FIGN: variants seen among roughly 807,000 people sequenced by gnomAD.
FIGN encodes fidgetin.
A neutral mutation model predicts 51.3 loss-of-function variants in FIGN; 11 were observed. The observed-to-expected ratio is 0.21, with a 90% CI of 0.13 to 0.35. The LOEUF is 0.35. Ranked by LOEUF, FIGN falls within the 10% of genes least tolerant of loss-of-function variation. The pLI is 1.00. For missense variants in FIGN, 857 were observed against 943.6 expected, an observed-to-expected ratio of 0.91 and a Z score of 1.20; for synonymous variants, 407 against 363.2, an observed-to-expected ratio of 1.12 and a Z score of -1.37.
rs912970368 is a variant in FIGN at position 163,608,251 on chromosome 2, T to C, written c.*1301A>G. 6.6e-6 allele frequency: 1 copy of C among 152,560 alleles called. No individual in the cohort carries two copies. Among genetic ancestry groups the C allele is most frequent in the Non-Finnish European group, 1.5e-5 (1 of 68,056 alleles). The allele number at this position is 152,560 out of a possible 1,614,324, so 9.5% of individuals were successfully genotyped here. On this transcript the variant is annotated 3_prime_UTR_variant, in exon 3 of 3. Coordinates refer to ENST00000333129, the MANE Select transcript of FIGN (RefSeq NM_018086.4). ...GAAGGGGAGGAGATGGAGAGGTTCT[T>C]TGTGGATATATATATGTGTATGTAA...
chr2:163,639,283 G>A (rs919193871), intron 2 of FIGN, among the ~76,000 whole-genome samples: 1 of 151,962 alleles, frequency 6.6e-6, no homozygotes, highest in African/African-American at 2.4e-5. Flanking sequence ...AAAAAACACA[G>A]CACATTTATT....
At chr2:163,640,790 G>A (rs1683294742) in intron 2 of FIGN, among the ~76,000 whole-genome samples, 1 of 152,098 alleles carries the variant, frequency 6.6e-6, no homozygotes, top group Admixed American at 6.5e-5. Context: ...AAGACAAAAG[G>A]CCAAAAGAAA....
intron 2 of FIGN, among the ~76,000 whole-genome samples, chr2:163,697,544 C>T (rs1684342141): frequency 6.6e-6 from 1 of 152,122 alleles, no homozygotes; most frequent in Non-Finnish European, 1.5e-5. Flanking sequence ...CATAAACACC[C>T]AAACACTCCT....
In FIGN at chr2:163,611,191, A is replaced by G. The variant is rs1247947406; in HGVS notation, c.641T>C (p.Leu214Ser). The change falls in exon 3 of 3, where the codon TTG becomes TCG. Residue 214 changes from leucine to serine, a missense_variant. Coordinates refer to ENST00000333129, the MANE Select transcript of FIGN (RefSeq NM_018086.4). ...GGGCTGTAGTAGCCCAGAGCTATGC[A>G]AAGGAGACGGATGAGGTGAAGGAAG... ...PALPSPHPSP[L>S]HSSGLLQPPP... 1 of 1,614,142 alleles carries G rather than the reference A, an allele frequency of 6.2e-7. No homozygotes were observed. The highest frequency in any genetic ancestry group is 1.1e-5 in the South Asian group (1 of 91,084).
intron 2 of FIGN, among the ~76,000 whole-genome samples, chr2:163,731,606 A>C (rs1684930445): frequency 6.6e-6 from 1 of 152,102 alleles, no homozygotes; most frequent in African/African-American, 2.4e-5. Flanking sequence ...AGTCTTAAAT[A>C]TAACTAAAGA....
Position 163,735,953 on chromosome 2 carries a change from T to G in FIGN, c.-261A>C, listed in dbSNP as rs1245585180. 1.3e-5 allele frequency: 2 copies of G among 152,632 alleles called. No individual in the cohort carries two copies. The highest frequency in any genetic ancestry group is 2.9e-5 in the Non-Finnish European group (2 of 68,060). The allele number at this position is 152,632 out of a possible 1,614,324, so 9.5% of individuals were successfully genotyped here. ...CCTATGATTTGAAATCATTCCAAGTTTTTGAAGGGAAGACGGACTGCAGCC... is the reference window on the plus strand; with the variant it reads ...CCTATGATTTGAAATCATTCCAAGTGTTTGAAGGGAAGACGGACTGCAGCC... On this transcript the variant is annotated 5_prime_UTR_variant, in exon 1 of 3. Transcript: ENST00000333129.
At chr2:163,655,528 T>A (rs1683545311) in intron 2 of FIGN, among the ~76,000 whole-genome samples, 1 of 152,176 alleles carries the variant, frequency 6.6e-6, no homozygotes, top group African/African-American at 2.4e-5. Flanking sequence ...CATCAAATTC[T>A]ACCAGCAGCT....
intron 2 of FIGN, chr2:163,612,587 G>GA (rs139810766): frequency 0.18 from 157,796 of 865,030 alleles, 8,477 homozygotes; most frequent in Middle Eastern, 0.23. Context: ...TTGAGTCTCT[G>GA]AAAAAAAAAA....
In FIGN at chr2:163,735,889, T is replaced by G. The variant is rs1009600289; in HGVS notation, c.-197A>C. 6.5e-6 allele frequency: 1 copy of G among 152,674 alleles called. No homozygotes were observed. The highest frequency in any genetic ancestry group is 1.5e-5 in the Non-Finnish European group (1 of 68,054). The allele number at this position is 152,674 out of a possible 1,614,324, so 9.5% of individuals were successfully genotyped here. A position where few individuals can be genotyped will look rare whatever the true frequency, so the allele number is the denominator to read the frequency against. ...AGGTTAGCGTAGCATCGATCCGATG[T>G]GTTTGCTGATGAATGGAAGCTAGGG... is the stretch of plus-strand genomic sequence containing the variant. On this transcript the variant is annotated 5_prime_UTR_variant, in exon 1 of 3. Transcript: ENST00000333129.
chr2:163,681,305 T>C (rs1684058077), intron 2 of FIGN, among the ~76,000 whole-genome samples: 1 of 152,206 alleles, frequency 6.6e-6, no homozygotes, highest in African/African-American at 2.4e-5. Flanking sequence ...GCTGGAATGG[T>C]CCTTGGAGTT....
chr2:163,604,786 G>T lies in FIGN; in HGVS notation c.*4766C>A, dbSNP rs1054535640. On this transcript the variant is annotated 3_prime_UTR_variant, in exon 3 of 3. Coordinates refer to ENST00000333129, the MANE Select transcript of FIGN (RefSeq NM_018086.4). ...CACACACACACCCACATACAAGAGAGAGCGAGAGTTAGAGACAGAGAGAGA... is the reference window on the plus strand; with the variant it reads ...CACACACACACCCACATACAAGAGATAGCGAGAGTTAGAGACAGAGAGAGA... The T allele has an allele frequency of 6.7e-6, 1 of 149,584 alleles. No homozygotes were observed. Among genetic ancestry groups the T allele is most frequent in the Non-Finnish European group, 1.5e-5 (1 of 67,316 alleles). 9.3% of individuals were successfully genotyped at this position (149,584 alleles called of 1,614,324 possible).
intron 2 of FIGN, among the ~76,000 whole-genome samples, chr2:163,673,771 G>T (rs1683916480): frequency 6.6e-6 from 1 of 152,134 alleles, no homozygotes; most frequent in South Asian, 2.1e-4. Context: ...CAGCCATTTG[G>T]AGCTCAGTGT....
At chr2:163,649,998 T>C (rs757899548) in intron 2 of FIGN, among the ~76,000 whole-genome samples, 3 of 152,134 alleles carry the variant, frequency 2.0e-5, no homozygotes, top group Non-Finnish European at 4.4e-5. Flanking sequence ...GGAAGAAAGA[T>C]TTGATTTCAC....
chr2:163,670,389 G>A (rs1261679525), intron 2 of FIGN, among the ~76,000 whole-genome samples: 1 of 152,124 alleles, frequency 6.6e-6, no homozygotes. Context: ...CTACCCACTG[G>A]AGTTAGTGGT....
At chr2:163,646,392 G>A (rs1030608265) in intron 2 of FIGN, among the ~76,000 whole-genome samples, 2 of 152,128 alleles carry the variant, frequency 1.3e-5, no homozygotes, top group African/African-American at 4.8e-5. Flanking sequence ...GTTTATGAAT[G>A]TCATTGAAAA....
chr2:163,660,755 A>G lies in FIGN; in HGVS notation c.26-48949T>C, dbSNP rs534355628. 2.2e-3 allele frequency among the ~76,000 whole-genome samples: 211 copies of G among 98,090 alleles called. 22 individuals are homozygous for G. The highest frequency in any genetic ancestry group is 7.6e-3 in the African/African-American group (194 of 25,360). The allele number at this position is 98,090 out of a possible 152,430, so 64.4% of individuals were successfully genotyped here. The stretch of plus-strand genomic sequence containing the variant: ...CACATATACATATATATGTATACAC[A>G]TATACATATATATGTATACACATAT... On this transcript the variant is annotated intron_variant, in intron 2 of 2. Coordinates refer to ENST00000333129, the MANE Select transcript of FIGN (RefSeq NM_018086.4).
chr2:163,704,198 A>T (rs1684454845), intron 2 of FIGN, among the ~76,000 whole-genome samples: 1 of 152,176 alleles, frequency 6.6e-6, no homozygotes, highest in African/African-American at 2.4e-5. Context: ...ATATGCTTAC[A>T]TGAATAATAA....
At chr2:163,686,112 G>T (rs1684144374) in intron 2 of FIGN, among the ~76,000 whole-genome samples, 1 of 152,116 alleles carries the variant, frequency 6.6e-6, no homozygotes, top group Admixed American at 6.5e-5. Context: ...ACTGAGAAAT[G>T]GTGTCATAAC....
chr2:163,647,587 G>A (rs920672243), intron 2 of FIGN, among the ~76,000 whole-genome samples: 1 of 152,164 alleles, frequency 6.6e-6, no homozygotes, highest in African/African-American at 2.4e-5. Context: ...CAGCTAGTTA[G>A]TGAACAAGCC....
Sources: gnomAD v4.1 joint callset for allele counts (sites outside exome capture counted in the v4.1 genomes callset) on GRCh38, gnomAD v4.1.1 for gene constraint, MANE v1.5 for transcripts, NCBI Gene and HGNC (gene_info 2026-07-23, HGNC 2026-07-21) for gene names.